RASGRF2: variants seen among roughly 807,000 people sequenced by gnomAD.
The protein encoded by RASGRF2 is ras-specific guanine nucleotide-releasing factor 2.
A neutral mutation model predicts 151.0 loss-of-function variants in RASGRF2; 76 were observed. The ratio of observed to expected loss-of-function variants is 0.50; its 90% CI spans 0.42 to 0.61. The LOEUF is 0.61. RASGRF2 is among the 20% of genes least tolerant of loss of function. The probability of loss-of-function intolerance (pLI) is 0.00; values close to 1 mark genes in which losing one functional copy is unlikely to be tolerated. For missense variants in RASGRF2, 1,148 were observed against 1,564.6 expected (o/e 0.73, Z 4.49); for synonymous variants, 504 against 566.5 (o/e 0.89, Z 1.57).
chr5:81,143,221 T>C (rs939380286), intron 17 of RASGRF2, among the ~76,000 whole-genome samples: 7 of 152,096 alleles, frequency 4.6e-5, no homozygotes, highest in Non-Finnish European at 1.0e-4. Flanking sequence ...CAATCTCCAC[T>C]CACTGCAGCC....
At chr5:81,005,502 T>TG (rs1343526025) in intron 1 of RASGRF2, among the ~76,000 whole-genome samples, 2 of 151,944 alleles carry the variant, frequency 1.3e-5, no homozygotes, top group Non-Finnish European at 1.5e-5. Flanking sequence ...ACGATTTGGG[T>TG]GGGGGGCACA....
intron 1 of RASGRF2, among the ~76,000 whole-genome samples, chr5:81,028,278 A>G (rs1368391242): frequency 3.9e-5 from 6 of 152,218 alleles, no homozygotes; most frequent in African/African-American, 1.4e-4. Context: ...CAAATCATAA[A>G]TTTTAATTTG....
At chr5:81,056,112 T>A (rs1158657097) in intron 2 of RASGRF2, among the ~76,000 whole-genome samples, 1 of 152,164 alleles carries the variant, frequency 6.6e-6, no homozygotes, top group African/African-American at 2.4e-5. Context: ...AAGGGTTTTT[T>A]ATGTCTCTAT....
chr5:81,049,597 C>A (rs1750944415), intron 2 of RASGRF2, among the ~76,000 whole-genome samples: 1 of 152,114 alleles, frequency 6.6e-6, no homozygotes, highest in South Asian at 2.1e-4. Context: ...TTTGCTCTTC[C>A]TGTCTCGTCA....
rs1043898848 is a variant in RASGRF2 at position 81,216,369 on chromosome 5, GCACACACACA to G, written c.3434+421_3434+430del. ...TTTCTACACACACACACACACACAC[GCACACACACA>G]CACACAAACACACACACACGCAGAG... On this transcript the variant is annotated intron_variant, in intron 24 of 26. Coordinates refer to ENST00000265080, the MANE Select transcript of RASGRF2 (RefSeq NM_006909.3). Among the ~76,000 whole-genome samples, 1,271 of 144,158 alleles carry G rather than the reference GCACACACACA, an allele frequency of 8.8e-3. 27 individuals are homozygous for G. The highest frequency in any genetic ancestry group is 0.031 in the African/African-American group (1,202 of 38,594). 94.6% of individuals were successfully genotyped at this position (144,158 alleles called of 152,430 possible).
intron 18 of RASGRF2, among the ~76,000 whole-genome samples, chr5:81,189,219 C>T (rs745344559): frequency 9.2e-5 from 14 of 152,268 alleles, no homozygotes; most frequent in African/African-American, 2.4e-5. Flanking sequence ...AGGAAACCCC[C>T]GCTGTTCTTG....
chr5:81,110,587 T>C (rs1752966604), intron 13 of RASGRF2, among the ~76,000 whole-genome samples: 1 of 152,206 alleles, frequency 6.6e-6, no homozygotes. Context: ...AAATAGAATG[T>C]GAAAATCATG....
intron 23 of RASGRF2, among the ~76,000 whole-genome samples, chr5:81,213,645 C>T (rs1162789709): frequency 6.6e-6 from 1 of 152,160 alleles, no homozygotes; most frequent in Non-Finnish European, 1.5e-5. Context: ...ATTTTGCCCT[C>T]CAAGCTTTTC....
chr5:81,043,212 T>C (rs1018078301), intron 2 of RASGRF2, among the ~76,000 whole-genome samples: 5 of 152,240 alleles, frequency 3.3e-5, no homozygotes, highest in Admixed American at 3.3e-4. Context: ...TAGTAGTCAC[T>C]TTTGTGGATT....
intron 18 of RASGRF2, among the ~76,000 whole-genome samples, chr5:81,198,446 T>C (rs1267896729): frequency 6.6e-6 from 1 of 151,358 alleles, no homozygotes; most frequent in Non-Finnish European, 1.5e-5. Context: ...GAACATGATT[T>C]TTTTTTTTTT....
chr5:81,031,500 C>G lies in RASGRF2; in HGVS notation c.289-11377C>G, dbSNP rs538870800. 1.5e-3 allele frequency among the ~76,000 whole-genome samples: 227 copies of G among 152,332 alleles called. 1 individual carries two copies. Among genetic ancestry groups the G allele is most frequent in the African/African-American group, 5.2e-3 (215 of 41,582 alleles). On this transcript the variant is annotated intron_variant, in intron 1 of 26. Coordinates refer to ENST00000265080, the MANE Select transcript of RASGRF2 (RefSeq NM_006909.3). Reference sequence around the variant, plus strand: ...AGAACTCAGGATTAAGAAACTCACTCAAAACCGCTCAACTACATGGAAACT... The same window carrying G: ...AGAACTCAGGATTAAGAAACTCACTGAAAACCGCTCAACTACATGGAAACT...
Position 81,225,886 on chromosome 5 carries a change from G to T in RASGRF2, c.*116G>T. The T allele has an allele frequency of 8.9e-7, 1 of 1,118,296 alleles. No individual in the cohort carries two copies. Among genetic ancestry groups the T allele is most frequent in the Admixed American group, 3.5e-5 (1 of 28,954 alleles). 69.3% of individuals were successfully genotyped at this position (1,118,296 alleles called of 1,614,324 possible). ...AAGCCAGGCTCCTTTCTCCACCAAA[G>T]AAGATGGAACCAGACTGGAATTCTG... On this transcript the variant is annotated 3_prime_UTR_variant, in exon 27 of 27. Coordinates refer to ENST00000265080, the MANE Select transcript of RASGRF2 (RefSeq NM_006909.3).
chr5:81,108,717 C>T (rs1034497069), intron 12 of RASGRF2, among the ~76,000 whole-genome samples: 1 of 152,180 alleles, frequency 6.6e-6, no homozygotes, highest in Non-Finnish European at 1.5e-5. Flanking sequence ...TTGGGAAACA[C>T]ATTCAGGGGA....
chr5:81,090,152 A>G (rs984365594), intron 9 of RASGRF2, among the ~76,000 whole-genome samples: 2 of 152,226 alleles, frequency 1.3e-5, no homozygotes, highest in African/African-American at 4.8e-5. Flanking sequence ...GTGTTCTCTG[A>G]AATTTTAACT....
intron 2 of RASGRF2, among the ~76,000 whole-genome samples, chr5:81,061,047 T>TG (rs796688526): frequency 4.9e-4 from 75 of 152,164 alleles, no homozygotes; most frequent in African/African-American, 1.6e-3. Context: ...CTCAATTTCT[T>TG]GTTTTTTTTT....
intron 1 of RASGRF2, among the ~76,000 whole-genome samples, chr5:81,008,440 C>A (rs1237224899): frequency 6.6e-6 from 1 of 152,082 alleles, no homozygotes; most frequent in African/African-American, 2.4e-5. Context: ...CATGAGCCAC[C>A]GTGCCTGGCT....
At chr5:80,989,219 C>T (rs1482015247) in intron 1 of RASGRF2, among the ~76,000 whole-genome samples, 7 of 152,110 alleles carry the variant, frequency 4.6e-5, no homozygotes, top group Non-Finnish European at 7.3e-5. Flanking sequence ...GATCCCCCCG[C>T]GTCTGTCTCC....
At chr5:80,987,556 T>A (rs1241310607) in intron 1 of RASGRF2, among the ~76,000 whole-genome samples, 1 of 152,214 alleles carries the variant, frequency 6.6e-6, no homozygotes, top group Non-Finnish European at 1.5e-5. Flanking sequence ...TCTGCTAGTT[T>A]GTTTTTGAGC....
rs1349200685 is a variant in RASGRF2, at chr5:81,219,722, A to G, written c.3565A>G (p.Ile1189Val). The change falls in exon 26 of 27, where the codon ATC becomes GTC. Residue 1189 changes from isoleucine (I) to valine (V), a missense_variant. Coordinates refer to ENST00000265080, the MANE Select transcript of RASGRF2 (RefSeq NM_006909.3). ...TTTTCTCTGTTAGATATCACACATC[A>G]TCAGAGAGATACGCCAGTTCCAGCA... ...FSKMRMISHI[I>V]REIRQFQQTS... 6.2e-7 allele frequency: 1 copy of G among 1,610,258 alleles called. No homozygotes were observed. The highest frequency in any genetic ancestry group is 2.2e-5 in the East Asian group (1 of 44,862).
Sources: gnomAD v4.1 joint callset for allele counts (sites outside exome capture counted in the v4.1 genomes callset) on GRCh38, gnomAD v4.1.1 for gene constraint, MANE v1.5 for transcripts, NCBI Gene and HGNC (gene_info 2026-07-23, HGNC 2026-07-21) for gene names.